The following MOSMO variants were observed in gnomAD, a reference collection of about 807,000 sequenced individuals.
MOSMO encodes the protein modulator of smoothened, also known as modulator of smoothened protein.
A neutral mutation model predicts 18.4 loss-of-function variants in MOSMO; 5 were observed. That is an observed-to-expected ratio of 0.27 (90% confidence interval 0.14 to 0.57). The LOEUF is 0.57. MOSMO is among the 20% of genes least tolerant of loss of function. The pLI is 0.92. For missense variants in MOSMO, 138 were observed against 211.8 expected (o/e 0.65, Z 2.16); for synonymous variants, 82 against 82.3 (o/e 1.00, Z 0.02).
intron 2 of MOSMO, among the ~76,000 whole-genome samples, chr16:22,080,487 C>G (rs1426884638): frequency 6.6e-6 from 1 of 152,174 alleles, no homozygotes; most frequent in East Asian, 1.9e-4. Flanking sequence ...TGTCCTAAAA[C>G]TTACATAAAA....
chr16:22,026,597 G>A, intron 1 of MOSMO, among the ~76,000 whole-genome samples: 1 of 152,178 alleles, frequency 6.6e-6, no homozygotes, highest in Non-Finnish European at 1.5e-5. Context: ...AGACATACGG[G>A]AAGGGGTGGT....
downstream of MOSMO, among the ~76,000 whole-genome samples, chr16:22,088,128 A>G (rs1901222070): frequency 6.6e-6 from 1 of 151,946 alleles, no homozygotes; most frequent in Non-Finnish European, 1.5e-5. Context: ...GGCTCAAGCG[A>G]TTCACCCACC....
intron 1 of MOSMO, among the ~76,000 whole-genome samples, chr16:22,047,056 A>G (rs1256351260): frequency 2.6e-5 from 4 of 152,106 alleles, no homozygotes; most frequent in Middle Eastern, 3.4e-3. Flanking sequence ...TGGAACTACT[A>G]TCAGTTTTCT....
At chr16:22,090,422 C>G (rs1160404459), downstream of MOSMO, among the ~76,000 whole-genome samples, 1 of 152,098 alleles carries the variant, frequency 6.6e-6, no homozygotes, top group African/African-American at 2.4e-5. Flanking sequence ...CTTTACACTC[C>G]CACTTTCCTC....
At position 22,075,482 on chromosome 16, in the gene MOSMO, C is replaced by T. The variant is rs1433077031; in HGVS notation, c.107-5C>T. 7.9e-7 allele frequency: 1 copy of T among 1,261,752 alleles called. No individual in the cohort carries two copies. Among genetic ancestry groups the T allele is most frequent in the South Asian group, 1.8e-5 (1 of 55,882 alleles). The allele number at this position is 1,261,752 out of a possible 1,614,324, so 78.2% of individuals were successfully genotyped here. ...AAAGTATTCCCACCATTTGCATCTCCCCAGGAGCACTCACTGTGGGCCTCG... is the reference window on the plus strand; with the variant it reads ...AAAGTATTCCCACCATTTGCATCTCTCCAGGAGCACTCACTGTGGGCCTCG... On this transcript the variant is annotated splice_polypyrimidine_tract_variant and splice_region_variant and intron_variant, in intron 1 of 2. Transcript: ENST00000542527.
chr16:22,066,435 CAT>C (rs1359459614), intron 1 of MOSMO, among the ~76,000 whole-genome samples: 2 of 152,148 alleles, frequency 1.3e-5, no homozygotes, highest in Admixed American at 6.5e-5. Flanking sequence ...GGGCCACACA[CAT>C]GTTTGGGACT....
chr16:22,038,045 C>G (rs1900141022), intron 1 of MOSMO, among the ~76,000 whole-genome samples: 1 of 152,186 alleles, frequency 6.6e-6, no homozygotes, highest in South Asian at 2.1e-4. Context: ...TGACCAGCCC[C>G]CATCCTGAAG....
chr16:22,075,747 A>C (rs1311492573), intron 2 of MOSMO, 48 bp downstream of exon 2: 12 of 1,332,500 alleles, frequency 9.0e-6, no homozygotes, highest in Non-Finnish European at 1.1e-5. Flanking sequence ...ACCCACCCAC[A>C]CTGGTATTTT....
chr16:22,042,606 T>A (rs1055659250), intron 1 of MOSMO, among the ~76,000 whole-genome samples: 6 of 152,246 alleles, frequency 3.9e-5, no homozygotes, highest in African/African-American at 1.4e-4. Context: ...TTTCACCAAC[T>A]GTTATTTCTA....
At chr16:22,064,236 A>G (rs1254386638) in intron 1 of MOSMO, 2 of 451,938 alleles carry the variant, frequency 4.4e-6, no homozygotes, top group African/African-American at 2.0e-5. Context: ...GGGGTCATTA[A>G]TGTTTAGTCT....
intron 1 of MOSMO, among the ~76,000 whole-genome samples, chr16:22,062,432 C>T (rs1256569312): frequency 6.6e-6 from 1 of 152,062 alleles, no homozygotes; most frequent in African/African-American, 2.4e-5. Context: ...AAGCAATCCT[C>T]CCACCTCAGC....
Position 22,009,724 on chromosome 16 carries a change from GC to G in MOSMO, c.106+1319del, listed in dbSNP as rs1209995029. Among the ~76,000 whole-genome samples the G allele has an allele frequency of 2.7e-5, 4 of 148,190 alleles. No individual in the cohort carries two copies. In the East Asian group the frequency reaches 8.0e-4, roughly 30 times the overall value. ...GCCTGTAATCCCAGCACTTTGGGAG[GC>G]CGAGGCGGGCGGATCAGGAGGTCAG... On this transcript the variant is annotated intron_variant, in intron 1 of 2. Transcript: ENST00000542527.
At chr16:22,033,840 A>C (rs959839896) in intron 1 of MOSMO, among the ~76,000 whole-genome samples, 3 of 152,080 alleles carry the variant, frequency 2.0e-5, no homozygotes, top group Admixed American at 6.6e-5. Context: ...ATAAAATAAA[A>C]AACATGCTCA....
intron 1 of MOSMO, among the ~76,000 whole-genome samples, chr16:22,056,359 T>C (rs1316949461): frequency 1.5e-5 from 2 of 137,258 alleles, no homozygotes; most frequent in African/African-American, 2.7e-5. Flanking sequence ...CCTCCTTTCT[T>C]TCTTTCTTTT....
At chr16:22,028,201 G>A (rs953953250) in intron 1 of MOSMO, among the ~76,000 whole-genome samples, 5 of 151,984 alleles carry the variant, frequency 3.3e-5, no homozygotes, top group Middle Eastern at 3.4e-3. Flanking sequence ...CCAAACACAC[G>A]TGTGCGTATG....
chr16:22,046,378 C>T (rs1165613551), intron 1 of MOSMO, among the ~76,000 whole-genome samples: 5 of 152,104 alleles, frequency 3.3e-5, no homozygotes, highest in Admixed American at 1.3e-4. Flanking sequence ...TAGGTTCCTG[C>T]AGGTCTCTGG....
intron 1 of MOSMO, among the ~76,000 whole-genome samples, chr16:22,009,119 GC>G (rs1567496398): frequency 6.6e-6 from 1 of 152,206 alleles, no homozygotes; most frequent in Non-Finnish European, 1.5e-5. Context: ...GAAGCTTGTG[GC>G]TTCGGATTTT....
intron 1 of MOSMO, among the ~76,000 whole-genome samples, chr16:22,040,905 A>G (rs762336360): frequency 1.3e-5 from 2 of 152,206 alleles, no homozygotes; most frequent in African/African-American, 2.4e-5. Flanking sequence ...CGGAGGTTAC[A>G]GTGAGCCAAG....
intron 1 of MOSMO, among the ~76,000 whole-genome samples, chr16:22,028,790 CTT>C (rs1172549385): frequency 6.6e-6 from 1 of 152,208 alleles, no homozygotes; most frequent in Non-Finnish European, 1.5e-5. Flanking sequence ...TTATACTCTA[CTT>C]AACCTTCCCT....
Sources: allele counts gnomAD v4.1 joint callset (sites outside exome capture counted in the v4.1 genomes callset), GRCh38; gene constraint gnomAD v4.1.1; transcripts MANE v1.5; gene names NCBI Gene and HGNC (gene_info 2026-07-23, HGNC 2026-07-21).